Variants in MYH3 observed in about 807,000 individuals in gnomAD.
MYH3 encodes the protein myosin-3.
Under a neutral mutation model 238.0 loss-of-function variants are expected in MYH3, and 130 were observed. The observed-to-expected ratio is 0.55, with a 90% confidence interval of 0.47 to 0.63. The LOEUF (loss-of-function observed/expected upper bound fraction) is 0.63. MYH3 is among the 30% of genes least tolerant of loss of function. The pLI is 0.00. For synonymous variants in MYH3, 880 were observed against 924.1 expected (o/e 0.95, Z 0.86); for missense variants, 1,853 against 2,374.9 (o/e 0.78, Z 4.57).
Position 10,632,529 on chromosome 17 carries a change from G to A in MYH3, c.4903C>T (p.Arg1635Cys), listed in dbSNP as rs759990440. 19 of 1,614,040 alleles carry A rather than the reference G, an allele frequency of 1.2e-5. No individual in the cohort carries two copies. The highest frequency in any genetic ancestry group is 1.6e-4 in the Middle Eastern group (1 of 6,084). The part of the protein sequence containing the change: ...EIEIQLSHAN[R>C]QAAETLKHLR... ...TGTTTGAGGGTCTCCGCCGCCTGGC[G>A]GTTGGCGTGGCTCAGCTGGATCTCG... The change falls in exon 34 of 41, where the codon CGC (arginine) becomes TGC (cysteine). Residue 1635 changes from arginine to cysteine, a missense_variant. Physicochemically the swap from Arg to Cys is radical, Grantham distance 180 (BLOSUM62 -3). Around this residue, in one of 3 missense-constraint regions of MYH3, gnomAD observed 1,044 missense variants for 1,192.6 expected, o/e 0.88. Transcript: ENST00000583535.
chr17:10,639,851 A>G (rs1597486247), intron 22 of MYH3, 49 bp from the exon 23 acceptor site: 15 of 1,610,982 alleles, frequency 9.3e-6, no homozygotes, highest in Non-Finnish European at 1.3e-5. Context: ...AAGGTTTGCG[A>G]CATTCCAGTA....
intron 40 of MYH3, 41 bp downstream of exon 40, chr17:10,629,556 A>G (rs1567550173): frequency 6.8e-6 from 11 of 1,610,868 alleles, no homozygotes; most frequent in Non-Finnish European, 9.3e-6. Flanking sequence ...AGAAGTTTCT[A>G]CAGTCCCTGG....
chr17:10,663,013 G>A, the MYH3 span, among the ~76,000 whole-genome samples: 44 of 152,116 alleles, frequency 2.9e-4, no homozygotes, highest in Middle Eastern at 3.4e-3. Flanking sequence ...CTTGAACCTG[G>A]GAGGCAGAGG....
intron 6 of MYH3, 91 bp downstream of exon 6, chr17:10,650,283 T>C: frequency 1.4e-6 from 2 of 1,393,978 alleles, no homozygotes; most frequent in Non-Finnish European, 1.0e-6. Context: ...GCCTGATCTT[T>C]TTATTATAGA....
intron 34 of MYH3, 93 bp from the exon 35 acceptor site, chr17:10,632,109 TG>T (rs1555525187): frequency 1.4e-6 from 2 of 1,384,086 alleles, no homozygotes; most frequent in South Asian, 1.3e-5. Context: ...TTTGTTTGTT[TG>T]TTTTTGTTTT....
At chr17:10,634,806 A>G (rs2074197681) in intron 31 of MYH3, 34 bp downstream of exon 31, 1 of 1,613,498 alleles carries the variant, frequency 6.2e-7, no homozygotes, top group Non-Finnish European at 8.5e-7. Context: ...CCCTTACATC[A>G]TGGCATTCAC....
At chr17:10,659,426 A>G (rs774537177), upstream of MYH3, among the ~76,000 whole-genome samples, 3 of 152,208 alleles carry the variant, frequency 2.0e-5, no homozygotes, top group Admixed American at 1.3e-4. Flanking sequence ...ACAGACTCCT[A>G]GAGTGTTCAG....
the MYH3 span, among the ~76,000 whole-genome samples, chr17:10,666,225 A>C: frequency 1.3e-5 from 2 of 152,240 alleles, no homozygotes; most frequent in Non-Finnish European, 2.9e-5. Context: ...AATAAAAAAC[A>C]ATAGATAAAT....
intron 37 of MYH3, 30 bp from the exon 38 acceptor site, chr17:10,630,226 G>C: frequency 6.2e-7 from 1 of 1,614,056 alleles, no homozygotes; most frequent in Middle Eastern, 1.6e-4. Flanking sequence ...AATTAGTCTG[G>C]GGCTGCAGCG....
In MYH3 at chr17:10,637,884, T is replaced by G. The variant is rs867491747; in HGVS notation, c.3781A>C (p.Arg1261=). Residue 1261 remains arginine (R), a synonymous_variant, in exon 28 of 41, where the codon AGG becomes CGG. Transcript: ENST00000583535. The part of the protein sequence containing the change: ...RTLEDQLSEA[R]GKNEEIQRSL... ...CTCTGAATTTCCTCATTCTTGCCCC[T>G]GGCCTCACTTAACTGATCCTCCAGG... 5.6e-6 allele frequency: 9 copies of G among 1,614,152 alleles called. No individual in the cohort carries two copies. Among genetic ancestry groups the G allele is most frequent in the Middle Eastern group, 1.6e-4 (1 of 6,062 alleles).
chr17:10,637,418 A>G (rs75897924), intron 28 of MYH3, among the ~76,000 whole-genome samples: 3,006 of 152,210 alleles, frequency 0.02, 94 homozygotes, highest in African/African-American at 0.068. Flanking sequence ...TTCTCTCTTT[A>G]GTCTCAAAAA....
intron 17 of MYH3, among the ~76,000 whole-genome samples, chr17:10,641,721 A>G (rs1187637037): frequency 2.0e-5 from 3 of 152,162 alleles, no homozygotes; most frequent in South Asian, 4.2e-4. Context: ...TTACTGTGTT[A>G]GCCAGGATGG....
At chr17:10,632,131 G>GT (rs748662823) in intron 34 of MYH3, 115 bp from the exon 35 acceptor site, 2 of 828,982 alleles carry the variant, frequency 2.4e-6, no homozygotes, top group East Asian at 2.7e-5. Flanking sequence ...GTTTTGTTTT[G>GT]TTTGTTTTGA....
chr17:10,632,504 T>G lies in MYH3; in HGVS notation c.4928A>C (p.His1643Pro). The change falls in exon 34 of 41, where the codon CAC becomes CCC. Residue 1643 changes from histidine to proline, a missense_variant. Physicochemically the swap from His to Pro is moderately conservative, Grantham distance 77. Coordinates refer to ENST00000583535, the MANE Select transcript of MYH3 (RefSeq NM_002470.4). ...ANRQAAETLK[H>P]LRSVQGQLKD... is the part of the protein sequence containing the mutation. Reference sequence around the variant, plus strand: ...CAGCTGTCCCTGGACACTCCTGAGGTGTTTGAGGGTCTCCGCCGCCTGGCG... The same window carrying G: ...CAGCTGTCCCTGGACACTCCTGAGGGGTTTGAGGGTCTCCGCCGCCTGGCG... 1 of 1,613,940 alleles carries G rather than the reference T, an allele frequency of 6.2e-7. No individual in the cohort carries two copies. The highest frequency in any genetic ancestry group is 8.5e-7 in the Non-Finnish European group (1 of 1,180,020).
In MYH3 at chr17:10,649,594, T is replaced by C. The variant is rs2074355948; in HGVS notation, c.625A>G (p.Lys209Glu). 2 of 1,614,070 alleles carry C rather than the reference T, an allele frequency of 1.2e-6. No individual in the cohort carries two copies. The highest frequency in any genetic ancestry group is 8.5e-7 in the Non-Finnish European group (1 of 1,179,936). Reference sequence around the variant, plus strand: ...ATCTATACCTTCATTTTGGAGTCCTTCTTCTTGGCCAGGTCCCCAGTAGCT... The same window carrying C: ...ATCTATACCTTCATTTTGGAGTCCTCCTTCTTGGCCAGGTCCCCAGTAGCT... The part of the protein sequence containing the change: ...IAATGDLAKK[K>E]DSKMKGTLED... Residue 209 changes from lysine to glutamate, a missense_variant, in exon 7 of 41, where the codon AAG becomes GAG. Physicochemically the swap from Lys to Glu is moderately conservative, Grantham distance 56. Coordinates refer to ENST00000583535, the MANE Select transcript of MYH3 (RefSeq NM_002470.4).
chr17:10,668,439 T>C, the MYH3 span, among the ~76,000 whole-genome samples: 1 of 152,120 alleles, frequency 6.6e-6, no homozygotes, highest in African/African-American at 2.4e-5. Flanking sequence ...CTACAGCCTA[T>C]TTTAGGTTGA....
intron 35 of MYH3, 30 bp from the exon 36 acceptor site, chr17:10,631,766 T>A (rs754143158): frequency 3.8e-5 from 61 of 1,613,966 alleles, no homozygotes; most frequent in Non-Finnish European, 5.2e-5. Flanking sequence ...GTTAACCAGG[T>A]GCGTATGAGG....
chr17:10,651,184 CAA>C (rs35638998), intron 5 of MYH3, among the ~76,000 whole-genome samples: 40 of 106,010 alleles, frequency 3.8e-4, no homozygotes, highest in African/African-American at 1.2e-3. Flanking sequence ...GACTCCATCT[CAA>C]AAAAAAAAAA....
chr17:10,642,332 A>G lies in MYH3; in HGVS notation c.1889-22T>C. The G allele has an allele frequency of 6.2e-7, 1 of 1,614,082 alleles. No individual in the cohort carries two copies. The highest frequency in any genetic ancestry group is 8.5e-7 in the Non-Finnish European group (1 of 1,179,898). ...TCAGCTGAAAGCAATAAGGGAGGGC[A>G]CGTGCTGTAGGTGAATCTAAAAGGT... On this transcript the variant is annotated intron_variant, in intron 16 of 40. Coordinates refer to ENST00000583535, the MANE Select transcript of MYH3 (RefSeq NM_002470.4). The surrounding 1 kb of genome is among the most constrained non-coding windows in gnomAD (Gnocchi z 5.4).
Sources: gnomAD v4.1 joint callset for allele counts (sites outside exome capture counted in the v4.1 genomes callset) on GRCh38, gnomAD v4.1.1 for gene constraint, gnomAD v4.1.1 regional missense constraint, Gnocchi (gnomAD v3.1) non-coding constraint, MANE v1.5 for transcripts, NCBI Gene and HGNC (gene_info 2026-07-23, HGNC 2026-07-21) for gene names.